SNX29: variants seen among roughly 807,000 people sequenced by gnomAD.
SNX29 encodes the protein sorting nexin-29.
SNX29 carries 78 observed loss-of-function variants against 102.1 expected under a neutral mutation model. That is an observed-to-expected ratio of 0.76 (90% CI 0.64 to 0.92). The LOEUF (loss-of-function observed/expected upper bound fraction) is 0.92. Ranked by LOEUF, SNX29 falls within the 40% of genes least tolerant of loss-of-function variation. The pLI, the probability that SNX29 is intolerant of heterozygous loss-of-function variation, is 0.00. For missense variants in SNX29, 1,280 were observed against 1,061.7 expected (o/e 1.21, Z -2.86); for synonymous variants, 580 against 414.5 (o/e 1.40, Z -4.85).
chr16:12,360,295 G>T (rs932063424), intron 16 of SNX29, among the ~76,000 whole-genome samples: 2 of 152,080 alleles, frequency 1.3e-5, no homozygotes, highest in Non-Finnish European at 2.9e-5. Context: ...TTAATTTGTA[G>T]ATTCCCTTGC....
intron 20 of SNX29, among the ~76,000 whole-genome samples, chr16:12,544,148 C>T (rs1159308201): frequency 1.3e-5 from 2 of 152,230 alleles, no homozygotes; most frequent in Non-Finnish European, 1.5e-5. Context: ...TCACCGGCAT[C>T]ATTCCTAAGA....
At chr16:12,427,529 G>GA (rs1043342087) in intron 18 of SNX29, among the ~76,000 whole-genome samples, 13 of 151,658 alleles carry the variant, frequency 8.6e-5, no homozygotes, top group South Asian at 2.1e-4. Context: ...ACTGATAAAA[G>GA]AAAAAAAATA....
At chr16:12,559,183 G>A (rs1186824544) in intron 20 of SNX29, among the ~76,000 whole-genome samples, 1 of 152,030 alleles carries the variant, frequency 6.6e-6, no homozygotes, top group Non-Finnish European at 1.5e-5. Context: ...GTTAGGTACT[G>A]GGCTACACAG....
chr16:12,009,894 C>G (rs1054937291), intron 3 of SNX29, among the ~76,000 whole-genome samples: 4 of 152,216 alleles, frequency 2.6e-5, no homozygotes, highest in Admixed American at 2.6e-4. Flanking sequence ...GCCAAGGCGT[C>G]TTTGTCCCAT....
At chr16:12,563,919 C>G (rs560890607) in intron 20 of SNX29, among the ~76,000 whole-genome samples, 2 of 152,362 alleles carry the variant, frequency 1.3e-5, no homozygotes, top group Non-Finnish European at 2.9e-5. Flanking sequence ...AGCCGAAGAC[C>G]TACAATACCT....
At position 12,558,546 on chromosome 16, in the gene SNX29, C is replaced by T. The variant is rs1394487884; in HGVS notation, c.2319-9960C>T. On this transcript the variant is annotated intron_variant, in intron 20 of 20. Coordinates refer to ENST00000566228, the MANE Select transcript of SNX29 (RefSeq NM_032167.5). The stretch of plus-strand genomic sequence containing the variant: ...CAGGGATGCACACACCCCACAGTGC[C>T]ATGCCTCTCAGTACCCCGTCCATGG... Among the ~76,000 whole-genome samples the T allele has an allele frequency of 2.6e-5, 4 of 152,212 alleles. No homozygotes were observed. The East Asian group carries it at 5.8e-4, about 22-fold the overall frequency.
rs567101992 is a variant in SNX29 at position 12,572,895 on chromosome 16, C to T, written c.*4266C>T. 2.4e-5 allele frequency: 25 copies of T among 1,039,642 alleles called. No homozygotes were observed. Among genetic ancestry groups the T allele is most frequent in the East Asian group, 2.0e-4 (4 of 19,766 alleles). 64.4% of individuals were successfully genotyped at this position (1,039,642 alleles called of 1,614,324 possible). On this transcript the variant is annotated 3_prime_UTR_variant, in exon 21 of 21. Coordinates refer to ENST00000566228, the MANE Select transcript of SNX29 (RefSeq NM_032167.5). ...TTGTCTTGACTCTGCCTTGGCATTT[C>T]GCTCGGAATCACGGCAGACTTGGAG...
intron 4 of SNX29, among the ~76,000 whole-genome samples, chr16:12,029,299 T>C (rs1374334496): frequency 6.6e-6 from 1 of 152,180 alleles, no homozygotes; most frequent in East Asian, 1.9e-4. Context: ...AGGGCATTAT[T>C]CATTGCGTGC....
intron 4 of SNX29, among the ~76,000 whole-genome samples, chr16:12,036,844 G>C (rs923754062): frequency 6.6e-6 from 1 of 152,088 alleles, no homozygotes; most frequent in Non-Finnish European, 1.5e-5. Context: ...TCCTGTGGTT[G>C]CAAATGATAG....
chr16:12,475,788 A>G (rs971310160), intron 18 of SNX29, among the ~76,000 whole-genome samples: 40 of 152,270 alleles, frequency 2.6e-4, no homozygotes, highest in African/African-American at 9.4e-4. Flanking sequence ...TTGTACCATT[A>G]TAAACTTGAA....
At chr16:12,323,310 C>T (rs1188620397) in intron 15 of SNX29, among the ~76,000 whole-genome samples, 2 of 152,042 alleles carry the variant, frequency 1.3e-5, no homozygotes, top group African/African-American at 4.8e-5. Flanking sequence ...CATTCCTTTT[C>T]TCCAGTCGTG....
chr16:12,254,108 G>T (rs1187407605), intron 14 of SNX29, among the ~76,000 whole-genome samples: 1 of 152,144 alleles, frequency 6.6e-6, no homozygotes, highest in Non-Finnish European at 1.5e-5. Context: ...TGTGGGGGCC[G>T]AGCAGGAGCT....
intron 16 of SNX29, chr16:12,374,492 G>T (rs1008883741): frequency 6.6e-6 from 1 of 152,230 alleles, no homozygotes; most frequent in African/African-American, 2.4e-5. Context: ...CCTGGTGATC[G>T]TAGAGTGATG....
chr16:12,537,221 C>T (rs2077116365), intron 20 of SNX29, among the ~76,000 whole-genome samples: 1 of 152,324 alleles, frequency 6.6e-6, no homozygotes, highest in South Asian at 2.1e-4. Context: ...AGAGACCAGA[C>T]TGCAAGGTGC....
At chr16:12,068,091 TTTGTC>T (rs1276487978) in intron 9 of SNX29, among the ~76,000 whole-genome samples, 1 of 152,106 alleles carries the variant, frequency 6.6e-6, no homozygotes, top group African/African-American at 2.4e-5. Flanking sequence ...CAGGAGCAGT[TTTGTC>T]TTAACAGCAA....
intron 11 of SNX29, among the ~76,000 whole-genome samples, chr16:12,109,305 G>A (rs1448647446): frequency 2.6e-5 from 4 of 151,928 alleles, no homozygotes; most frequent in African/African-American, 9.7e-5. Context: ...GAGTGTGTGA[G>A]CTCAGGTCTC....
At chr16:12,386,035 G>A (rs1281654376) in intron 16 of SNX29, among the ~76,000 whole-genome samples, 1 of 152,182 alleles carries the variant, frequency 6.6e-6, no homozygotes, top group Admixed American at 6.5e-5. Flanking sequence ...GCCTCAGCTG[G>A]CCAGGTGTCC....
chr16:12,463,223 C>T (rs535469353), intron 18 of SNX29, among the ~76,000 whole-genome samples: 1 of 152,356 alleles, frequency 6.6e-6, no homozygotes, highest in African/African-American at 2.4e-5. Flanking sequence ...GATGTGACAG[C>T]TGGGCCTGTG....
rs1408038944 is a variant in SNX29, at chr16:12,572,980, GCATT to G, written c.*4352_*4355del. On this transcript the variant is annotated 3_prime_UTR_variant, in exon 21 of 21. Coordinates refer to ENST00000566228, the MANE Select transcript of SNX29 (RefSeq NM_032167.5). Reference sequence around the variant, plus strand: ...GGTCAAAGATTTTTCAAAATATTGTGCATTAATTCATTAAAGCTACTGTTAAATA... The same window carrying G: ...GGTCAAAGATTTTTCAAAATATTGTGAATTCATTAAAGCTACTGTTAAATA... 2.2e-5 allele frequency: 10 copies of G among 454,606 alleles called. No individual in the cohort carries two copies. The South Asian group carries it at 4.0e-4, about 18-fold the overall frequency. 28.2% of individuals were successfully genotyped at this position (454,606 alleles called of 1,614,324 possible). A position where few individuals can be genotyped will look rare whatever the true frequency, so the allele number is the denominator to read the frequency against.
Sources: allele counts gnomAD v4.1 joint callset (sites outside exome capture counted in the v4.1 genomes callset), GRCh38; gene constraint gnomAD v4.1.1; transcripts MANE v1.5; gene names NCBI Gene and HGNC (gene_info 2026-07-23, HGNC 2026-07-21).